LTBP1: variants seen among roughly 807,000 people sequenced by gnomAD.
LTBP1 encodes latent transforming growth factor beta binding protein 1.
In LTBP1, 129 loss-of-function variants were observed where a neutral mutation model predicts 207.6. That is an observed-to-expected ratio of 0.62 (90% CI 0.54 to 0.72). LTBP1 has a LOEUF of 0.72. Ranked by LOEUF, LTBP1 falls within the 30% of genes least tolerant of loss-of-function variation. The pLI is 0.00. For synonymous variants in LTBP1, 963 were observed against 833.7 expected, an observed-to-expected ratio of 1.16 and a Z score of -2.67; for missense variants, 2,281 against 2,217.2, an observed-to-expected ratio of 1.03 and a Z score of -0.58.
At chr2:33,176,125 T>A (rs934688633) in intron 5 of LTBP1, among the ~76,000 whole-genome samples, 1 of 151,652 alleles carries the variant, frequency 6.6e-6, no homozygotes. Flanking sequence ...CTGCACATTG[T>A]GCACATGTAC....
chr2:33,060,391 G>A (rs981736622), intron 3 of LTBP1, among the ~76,000 whole-genome samples: 5 of 152,046 alleles, frequency 3.3e-5, no homozygotes, highest in African/African-American at 1.2e-4. Context: ...TGCATTCAAG[G>A]TAAGTTTCTT....
intron 4 of LTBP1, among the ~76,000 whole-genome samples, chr2:33,126,294 C>T (rs1227523835): frequency 1.3e-5 from 2 of 152,102 alleles, no homozygotes; most frequent in African/African-American, 4.8e-5. Flanking sequence ...GTCTCGATCT[C>T]CTGAACTCAA....
intron 23 of LTBP1, among the ~76,000 whole-genome samples, chr2:33,310,439 C>T (rs982905810): frequency 2.6e-5 from 4 of 152,210 alleles, no homozygotes; most frequent in African/African-American, 9.6e-5. Flanking sequence ...TGTAACTGAG[C>T]TTCTTCAGTG....
chr2:33,070,799 A>G (rs1383256151), intron 3 of LTBP1, among the ~76,000 whole-genome samples: 1 of 152,128 alleles, frequency 6.6e-6, no homozygotes, highest in East Asian at 1.9e-4. Flanking sequence ...ACCCCAGTAG[A>G]GAAGGCACTG....
chr2:33,218,834 ATTT>A, intron 8 of LTBP1, among the ~76,000 whole-genome samples: 1 of 152,220 alleles, frequency 6.6e-6, no homozygotes, highest in East Asian at 1.9e-4. Context: ...AGTTTTTATA[ATTT>A]TTTTATTCTT....
At chr2:32,952,888 G>A (rs765981320) in intron 2 of LTBP1, among the ~76,000 whole-genome samples, 1 of 152,184 alleles carries the variant, frequency 6.6e-6, no homozygotes, top group South Asian at 2.1e-4. Context: ...AATCCAAAGC[G>A]GGTGCCTGGC....
At chr2:33,378,281 A>G (rs1475150627) in intron 31 of LTBP1, among the ~76,000 whole-genome samples, 1 of 150,860 alleles carries the variant, frequency 6.6e-6, no homozygotes, top group Non-Finnish European at 1.5e-5. Flanking sequence ...GCTGGAGTGC[A>G]CTGGCACGAT....
intron 3 of LTBP1, among the ~76,000 whole-genome samples, chr2:33,102,758 G>A (rs1465994132): frequency 6.6e-6 from 1 of 152,136 alleles, no homozygotes; most frequent in Non-Finnish European, 1.5e-5. Context: ...TGCACTGTCC[G>A]TATGCACAGT....
intron 5 of LTBP1, among the ~76,000 whole-genome samples, chr2:33,149,672 C>CTGAA (rs2083355502): frequency 6.6e-6 from 1 of 152,166 alleles, no homozygotes; most frequent in Non-Finnish European, 1.5e-5. Flanking sequence ...GGCCTTCATT[C>CTGAA]TGAAGATTCT....
rs17012726 is a variant in LTBP1 at position 33,275,308 on chromosome 2, A to G, written c.2869+218A>G. Among the ~76,000 whole-genome samples, 1,046 of 152,256 alleles carry G rather than the reference A, an allele frequency of 6.9e-3. 7 individuals are homozygous for G. Among genetic ancestry groups the G allele is most frequent in the African/African-American group, 0.022 (931 of 41,562 alleles). ...TCATATATGTGCATAGACAAGATAC[A>G]TTAAATGTTACTTTTGGACCACCCT... On this transcript the variant is annotated intron_variant, in intron 17 of 33. Coordinates refer to ENST00000404816, the MANE Select transcript of LTBP1 (RefSeq NM_206943.4).
chr2:33,345,509 C>G (rs191272405), intron 25 of LTBP1, among the ~76,000 whole-genome samples: 247 of 152,336 alleles, frequency 1.6e-3, no homozygotes, highest in Middle Eastern at 3.4e-3. Flanking sequence ...GGACATTTAC[C>G]TAAAATTGAT....
At chr2:33,253,326 T>C (rs1210951833) in intron 11 of LTBP1, among the ~76,000 whole-genome samples, 2 of 152,228 alleles carry the variant, frequency 1.3e-5, no homozygotes, top group Admixed American at 1.3e-4. Flanking sequence ...ATTAATAACT[T>C]AAGGACAGAA....
intron 2 of LTBP1, among the ~76,000 whole-genome samples, chr2:32,966,558 T>C (rs930826462): frequency 6.6e-6 from 1 of 152,132 alleles, no homozygotes; most frequent in African/African-American, 2.4e-5. Context: ...AATTCCCTTC[T>C]ATTCCTGGTT....
At chr2:33,270,898 C>T (rs1327320745) in intron 15 of LTBP1, among the ~76,000 whole-genome samples, 6 of 152,098 alleles carry the variant, frequency 3.9e-5, no homozygotes, top group Non-Finnish European at 7.4e-5. Flanking sequence ...CATTTTTTAT[C>T]AAATTCCAAC....
chr2:33,235,247 G>A (rs1442145150), intron 9 of LTBP1, among the ~76,000 whole-genome samples: 2 of 152,086 alleles, frequency 1.3e-5, no homozygotes, highest in Admixed American at 6.5e-5. Flanking sequence ...TGAAGGATAC[G>A]AACAGACACT....
At chr2:33,057,666 C>T (rs1239732069) in intron 3 of LTBP1, among the ~76,000 whole-genome samples, 1 of 152,242 alleles carries the variant, frequency 6.6e-6, no homozygotes, top group Non-Finnish European at 1.5e-5. Flanking sequence ...CAGCTGCTGG[C>T]CCAGGTGCTA....
At chr2:33,082,985 G>A (rs2078533754) in intron 3 of LTBP1, among the ~76,000 whole-genome samples, 1 of 151,970 alleles carries the variant, frequency 6.6e-6, no homozygotes, top group Admixed American at 6.6e-5. Context: ...TTGCTGTGTG[G>A]GAAGCTTTGT....
intron 24 of LTBP1, among the ~76,000 whole-genome samples, chr2:33,321,547 C>T (rs767539284): frequency 2.8e-4 from 42 of 152,118 alleles, no homozygotes; most frequent in Admixed American, 1.4e-3. Flanking sequence ...TTTCTATGAA[C>T]GGGGGAGAAT....
chr2:33,021,701 G>A (rs554218449), intron 3 of LTBP1, among the ~76,000 whole-genome samples: 4 of 152,290 alleles, frequency 2.6e-5, no homozygotes, highest in African/African-American at 9.6e-5. Context: ...CAGGTTAAGT[G>A]TACCTTCTGT....
Sources: allele counts gnomAD v4.1 joint callset (sites outside exome capture counted in the v4.1 genomes callset), GRCh38; gene constraint gnomAD v4.1.1; transcripts MANE v1.5; gene names NCBI Gene and HGNC (gene_info 2026-07-23, HGNC 2026-07-21).